The following PRH1 variants were observed in gnomAD, a reference collection of about 807,000 sequenced individuals.
PRH1 encodes salivary acidic proline-rich phosphoprotein 1/2.
PRH1 carries 7 observed loss-of-function variants against 7.9 expected under a neutral mutation model. That is an observed-to-expected ratio of 0.89 (90% CI 0.50 to 1.67). The LOEUF is 1.67. Ranked by LOEUF, PRH1 falls within the 40% of genes most tolerant of loss-of-function variation. PRH1 has a pLI of 0.00. For missense variants in PRH1, 109 were observed against 223.6 expected (o/e 0.49, Z 3.27); for synonymous variants, 45 against 80.8 (o/e 0.56, Z 2.38).
At chr12:10,973,355 T>A in intron 2 of PRH1, 1 of 245,848 alleles carries the variant, frequency 4.1e-6, no homozygotes, top group Non-Finnish European at 7.7e-6. Flanking sequence ...GTATTTCTTT[T>A]CAGTTTTGAT....
chr12:11,053,274 A>C (rs1400991742), intron 1 of PRH1, among the ~76,000 whole-genome samples: 1 of 152,208 alleles, frequency 6.6e-6, no homozygotes, highest in Admixed American at 6.5e-5. Context: ...GTGCCTTTGA[A>C]TTACATCATT....
At chr12:11,091,631 C>A (rs144622176) in intron 1 of PRH1, 30,795 of 1,234,740 alleles carry the variant, frequency 0.025, 8,590 homozygotes, top group Middle Eastern at 0.042. Flanking sequence ...ACACAAAGAA[C>A]AGATTAACAG....
At chr12:10,886,866 A>G (rs772422173), upstream of PRH1, among the ~76,000 whole-genome samples, 5 of 152,084 alleles carry the variant, frequency 3.3e-5, no homozygotes, top group African/African-American at 9.7e-5. Flanking sequence ...CACTTGCCTG[A>G]TCTTTACTAG....
chr12:11,035,298 C>G (rs991028989), intron 1 of PRH1, among the ~76,000 whole-genome samples: 1 of 142,940 alleles, frequency 7.0e-6, no homozygotes, highest in African/African-American at 2.5e-5. Context: ...GTTAGTTGTT[C>G]TGATTGTAGC....
chr12:10,938,065 T>G (rs868049996), intron 2 of PRH1: 14 of 493,522 alleles, frequency 2.8e-5, no homozygotes, highest in Middle Eastern at 5.3e-4. Flanking sequence ...TTTATAGTAT[T>G]CGCATTCTTC....
intron 1 of PRH1, chr12:11,035,002 TG>T (rs1942376987): frequency 6.6e-6 from 1 of 152,108 alleles, no homozygotes; most frequent in South Asian, 2.1e-4. Flanking sequence ...ACTGAAGACA[TG>T]AATCCATTGA....
rs764062116 is a variant in PRH1, at chr12:10,884,186, A to G, written c.32T>C (p.Leu11Pro). ...TAAATCCTGAGCTGAGCTGAAGGCC[A>G]GCAGGGCCACTGACAGCAGAATCAG... MLLILLSVALLAFSSAQDLNE... is the reference protein window; with the variant it reads MLLILLSVALPAFSSAQDLNE... The change falls in exon 1 of 4, where the codon CTG becomes CCG. Residue 11 changes from leucine to proline, a missense_variant. Leu to Pro is a moderately conservative substitution (Grantham distance 98, BLOSUM62 -3). Coordinates refer to ENST00000543626, the MANE Select transcript of PRH1 (RefSeq NM_001393989.1). 8.1e-6 allele frequency: 13 copies of G among 1,614,090 alleles called. 1 individual carries two copies. In the Admixed American group the frequency reaches 1.8e-4, roughly 23 times the overall value.
intron 2 of PRH1, among the ~76,000 whole-genome samples, chr12:10,906,977 C>T (rs1002147421): frequency 6.6e-6 from 1 of 152,088 alleles, no homozygotes; most frequent in Non-Finnish European, 1.5e-5. Context: ...TGACCCAAAG[C>T]ATATGAAAAA....
At chr12:11,133,241 G>C in intron 1 of PRH1, 1 of 1,544,392 alleles carries the variant, frequency 6.5e-7, no homozygotes, top group South Asian at 1.3e-5. Flanking sequence ...AGAAAACCCA[G>C]TAAGAAATAT....
chr12:11,149,274 G>C (rs1396412260), intron 1 of PRH1, among the ~76,000 whole-genome samples: 1 of 152,022 alleles, frequency 6.6e-6, no homozygotes, highest in Non-Finnish European at 1.5e-5. Flanking sequence ...GGTTCTTTGT[G>C]TCTCTATTTC....
chr12:10,994,003 G>A (rs1004663999), intron 1 of PRH1, among the ~76,000 whole-genome samples: 8 of 152,186 alleles, frequency 5.3e-5, no homozygotes, highest in East Asian at 1.9e-4. Context: ...CCTTCTAAGC[G>A]TGTGCGTCTC....
Position 10,884,052 on chromosome 12 carries a change from T to C in PRH1, c.64+102A>G, listed in dbSNP as rs1445752042. On this transcript the variant is annotated intron_variant, in intron 1 of 3. Transcript: ENST00000543626. ...TCAGCATGAGAACTCTGCAGTCCCA[T>C]CTGTTTTCTCATCCTCCTCTCTTCC... The C allele has an allele frequency of 1.0e-5, 14 of 1,402,474 alleles. No individual in the cohort carries two copies. In the Admixed American group the frequency reaches 2.4e-4, roughly 24 times the overall value. 86.9% of individuals were successfully genotyped at this position (1,402,474 alleles called of 1,614,324 possible). A position where few individuals can be genotyped will look rare whatever the true frequency, so the allele number is the denominator to read the frequency against.
At chr12:10,968,716 T>C (rs1938636886) in intron 2 of PRH1, among the ~76,000 whole-genome samples, 1 of 152,208 alleles carries the variant, frequency 6.6e-6, no homozygotes, top group African/African-American at 2.4e-5. Context: ...TGGGACCCAC[T>C]GCGCCCAGCC....
At chr12:11,091,493 A>C (rs1725376395) in intron 1 of PRH1, 2 of 1,377,824 alleles carry the variant, frequency 1.5e-6, no homozygotes, top group Admixed American at 1.8e-5. Context: ...AACTGATATC[A>C]TTATGGACAG....
upstream of PRH1, among the ~76,000 whole-genome samples, chr12:10,885,374 T>C (rs190729751): frequency 1.2e-3 from 180 of 152,338 alleles, 2 homozygotes; most frequent in African/African-American, 4.2e-3. Flanking sequence ...TACCTTGCCA[T>C]GTTTACTTTT....
chr12:10,882,243 G>T lies in PRH1; in HGVS notation c.556C>A (p.Pro186Thr), dbSNP rs201616286. Residue 186 changes from proline to threonine, a missense_variant, in exon 3 of 4, where the codon CCT becomes ACT. This residue lies in a region of PRH1 where 45 missense variants were observed against 88.8 expected (regional missense o/e 0.51). Coordinates refer to ENST00000543626, the MANE Select transcript of PRH1 (RefSeq NM_001393989.1). ...RPQGPPQGQS[P>T]Q ...TGTCATTGAATCCTAGATTACTGAGGAGACTGCCCCTGTGGAGGTCCTTGT... is the reference window on the plus strand; with the variant it reads ...TGTCATTGAATCCTAGATTACTGAGTAGACTGCCCCTGTGGAGGTCCTTGT... 462 of 1,613,686 alleles carry T rather than the reference G, an allele frequency of 2.9e-4. No homozygotes were observed. The highest frequency in any genetic ancestry group is 3.5e-4 in the Non-Finnish European group (412 of 1,179,902).
intron 1 of PRH1, among the ~76,000 whole-genome samples, chr12:11,140,720 T>C (rs1327636093): frequency 6.6e-6 from 1 of 152,196 alleles, no homozygotes; most frequent in African/African-American, 2.4e-5. Context: ...AAGAGTTTTT[T>C]AATTGTTCTG....
At chr12:11,023,397 AGCTTAG>A (rs1312678230) in intron 1 of PRH1, among the ~76,000 whole-genome samples, 1 of 151,840 alleles carries the variant, frequency 6.6e-6, no homozygotes, top group Non-Finnish European at 1.5e-5. Context: ...ATGTTTCTCA[AGCTTAG>A]GCCTTTGGTA....
chr12:10,915,165 T>A (rs1004856883), intron 2 of PRH1, among the ~76,000 whole-genome samples: 4 of 152,104 alleles, frequency 2.6e-5, no homozygotes, highest in Admixed American at 6.6e-5. Flanking sequence ...AAACTCAGCC[T>A]TAAGACTAGG....
Sources: allele counts gnomAD v4.1 joint callset (sites outside exome capture counted in the v4.1 genomes callset), GRCh38; gene constraint gnomAD v4.1.1; regional missense constraint gnomAD v4.1.1; transcripts MANE v1.5; gene names NCBI Gene and HGNC (gene_info 2026-07-23, HGNC 2026-07-21).